Variants in GPD1L observed in about 807,000 individuals in gnomAD.
The protein encoded by GPD1L is glycerol-3-phosphate dehydrogenase 1 like, also known as glycerol-3-phosphate dehydrogenase 1-like protein.
GPD1L carries 17 observed loss-of-function variants against 32.9 expected under a neutral mutation model. That is an observed-to-expected ratio of 0.52 (90% confidence interval 0.35 to 0.78). The LOEUF (loss-of-function observed/expected upper bound fraction) is 0.78, where lower values mean the gene tolerates loss of function less well. Ranked by LOEUF, GPD1L falls within the 30% of genes least tolerant of loss-of-function variation. The pLI, the probability that GPD1L is intolerant of heterozygous loss-of-function variation, is 0.01. For synonymous variants in GPD1L, 187 were observed against 165.9 expected, an observed-to-expected ratio of 1.13 and a Z score of -0.98; for missense variants, 361 against 447.8, an observed-to-expected ratio of 0.81 and a Z score of 1.75.
intron 4 of GPD1L, among the ~76,000 whole-genome samples, chr3:32,145,384 T>C (rs1229738801): frequency 1.2e-4 from 18 of 152,008 alleles, no homozygotes; most frequent in Admixed American, 1.1e-3. Flanking sequence ...AAAGGTACCT[T>C]TGAGAAAATA....
At chr3:32,131,013 TA>T (rs563843656) in intron 2 of GPD1L, among the ~76,000 whole-genome samples, 5 of 147,412 alleles carry the variant, frequency 3.4e-5, no homozygotes, top group South Asian at 2.2e-4. Context: ...AGACTCCATC[TA>T]AAAAAAAAAT....
At chr3:32,157,197 G>T (rs1026455657) in intron 5 of GPD1L, among the ~76,000 whole-genome samples, 3 of 151,440 alleles carry the variant, frequency 2.0e-5, no homozygotes, top group Non-Finnish European at 4.4e-5. Flanking sequence ...CTTCCCTGCT[G>T]TGAACGGAAG....
rs1490821568 is a variant in GPD1L, at chr3:32,107,652, T to C, written c.47+894T>C. 2.0e-5 allele frequency among the ~76,000 whole-genome samples: 3 copies of C among 152,164 alleles called. No individual in the cohort carries two copies. In the South Asian group the frequency reaches 6.2e-4, roughly 32 times the overall value. ...CTTTCAGTGCTTCTGTTTACCGGTT[T>C]TTCTGTGGCGTGACAGGCATCAGAA... On this transcript the variant is annotated intron_variant, in intron 1 of 7. Transcript: ENST00000282541.
At chr3:32,131,311 A>G (rs375268993) in intron 2 of GPD1L, among the ~76,000 whole-genome samples, 1 of 152,058 alleles carries the variant, frequency 6.6e-6, no homozygotes, top group East Asian at 1.9e-4. Context: ...TTTTTCGTAT[A>G]TTTACATAGC....
chr3:32,130,234 G>GTC (rs1700566247), intron 2 of GPD1L, among the ~76,000 whole-genome samples: 1 of 152,068 alleles, frequency 6.6e-6, no homozygotes, highest in Non-Finnish European at 1.5e-5. Context: ...ACTGGGTGTG[G>GTC]ACAGAGGCAG....
rs373950937 is a variant in GPD1L at position 32,137,401 on chromosome 3, CCTT to C, written c.226-1183_226-1181del. Among the ~76,000 whole-genome samples the C allele has an allele frequency of 1.8e-4, 27 of 152,324 alleles. No homozygotes were observed. In the South Asian group the frequency reaches 4.3e-3, roughly 25 times the overall value. ...CTGCCATCTCGGCATGTGCTGTCCT[CCTT>C]CTGCTCTAAGATGACTGTCTGAATT... On this transcript the variant is annotated intron_variant, in intron 2 of 7. Coordinates refer to ENST00000282541, the MANE Select transcript of GPD1L (RefSeq NM_015141.4).
At chr3:32,108,258 G>A (rs1329229252) in intron 1 of GPD1L, among the ~76,000 whole-genome samples, 1 of 152,130 alleles carries the variant, frequency 6.6e-6, no homozygotes, top group Admixed American at 6.5e-5. Flanking sequence ...GGTGGCTCAC[G>A]CTTGTAATCC....
At chr3:32,121,441 A>ATATATATATTTCTCTC (rs60410111) in intron 1 of GPD1L, among the ~76,000 whole-genome samples, 2 of 90,464 alleles carry the variant, frequency 2.2e-5, no homozygotes, top group South Asian at 7.2e-4. Flanking sequence ...GGCTTTCTTT[A>ATATATATATTTCTCTC]TATATATATT....
At chr3:32,135,878 A>G (rs1465825906) in intron 2 of GPD1L, among the ~76,000 whole-genome samples, 1 of 152,184 alleles carries the variant, frequency 6.6e-6, no homozygotes, top group Non-Finnish European at 1.5e-5. Flanking sequence ...CTTGTGGACT[A>G]CCTAGCCTAG....
chr3:32,118,803 C>T (rs1021705518), intron 1 of GPD1L, among the ~76,000 whole-genome samples: 7 of 152,200 alleles, frequency 4.6e-5, no homozygotes, highest in Non-Finnish European at 2.9e-5. Flanking sequence ...CTGGAAACCA[C>T]GCTTCTACTT....
At chr3:32,152,858 AG>A (rs1559581014) in intron 5 of GPD1L, among the ~76,000 whole-genome samples, 11 of 68,856 alleles carry the variant, frequency 1.6e-4, no homozygotes, top group African/African-American at 5.5e-4. Context: ...AAAAAAAAAA[AG>A]ACAGACAAAG....
In GPD1L at chr3:32,128,152, G is replaced by T. The variant is rs1559573094; in HGVS notation, c.124G>T (p.Val42Phe). The change falls in exon 2 of 8, where the codon GTC (valine) becomes TTC (phenylalanine). Residue 42 changes from valine (V) to phenylalanine (F), a missense_variant. By Grantham distance (50) the Val-to-Phe change is conservative (BLOSUM62 -1). Transcript: ENST00000282541. ...ATTTGCCTCCACAGTCAAGATGTGG[G>T]TCTTTGAAGAAACAGTGAATGGCAG... is the stretch of plus-strand genomic sequence containing the variant. ...QKFASTVKMW[V>F]FEETVNGRKL... 6.2e-7 allele frequency: 1 copy of T among 1,610,180 alleles called. No homozygotes were observed. The highest frequency in any genetic ancestry group is 8.5e-7 in the Non-Finnish European group (1 of 1,176,484).
At chr3:32,134,380 C>G (rs1219230848) in intron 2 of GPD1L, among the ~76,000 whole-genome samples, 7 of 152,170 alleles carry the variant, frequency 4.6e-5, no homozygotes, top group Non-Finnish European at 1.0e-4. Context: ...CCACATTGTC[C>G]TAGAGACCAT....
chr3:32,116,796 C>G (rs1037808311), intron 1 of GPD1L, among the ~76,000 whole-genome samples: 1 of 152,202 alleles, frequency 6.6e-6, no homozygotes, highest in Non-Finnish European at 1.5e-5. Flanking sequence ...ATGTTAGATT[C>G]AGTAGTAAGG....
chr3:32,120,046 C>T (rs9811351), intron 1 of GPD1L, among the ~76,000 whole-genome samples: 62,447 of 151,788 alleles, frequency 0.41, 14,525 homozygotes, highest in East Asian at 0.65. Context: ...GCCTGCCGGC[C>T]GGACACAGTG....
rs79117983 is a variant in GPD1L, at chr3:32,144,203, C to T, written c.506-2419C>T. ...GATGCATAGGGACTATTTTAAATTG[C>T]GGTAGGTTCAGGAATCGTGGCCCAC... On this transcript the variant is annotated intron_variant, in intron 4 of 7. Transcript: ENST00000282541. Among the ~76,000 whole-genome samples the T allele has an allele frequency of 0.024, 3,616 of 152,150 alleles. 297 individuals carry two copies. In the East Asian group the frequency reaches 0.26, roughly 11 times the overall value.
chr3:32,148,761 C>G (rs2125491951), intron 5 of GPD1L, among the ~76,000 whole-genome samples: 1 of 152,182 alleles, frequency 6.6e-6, no homozygotes, highest in East Asian at 1.9e-4. Context: ...AAACGAAGCC[C>G]TCTCTCATCA....
At chr3:32,149,903 C>T (rs78480016) in intron 5 of GPD1L, among the ~76,000 whole-genome samples, 1 of 150,346 alleles carries the variant, frequency 6.7e-6, no homozygotes, top group Non-Finnish European at 1.5e-5. Flanking sequence ...GAGCCAAGAT[C>T]GTGCCACTGC....
chr3:32,135,402 G>A lies in GPD1L; in HGVS notation c.226-3185G>A, dbSNP rs535487841. 4.2e-4 allele frequency among the ~76,000 whole-genome samples: 64 copies of A among 152,266 alleles called. 1 individual carries two copies. The highest frequency in any genetic ancestry group is 2.5e-3 in the Admixed American group (38 of 15,294). ...AAAACAATGAGCTTTGCCAATAAACGACACACAGGCCAATTGTGGGTTGGC... is the reference window on the plus strand; with the variant it reads ...AAAACAATGAGCTTTGCCAATAAACAACACACAGGCCAATTGTGGGTTGGC... On this transcript the variant is annotated intron_variant, in intron 2 of 7. Coordinates refer to ENST00000282541, the MANE Select transcript of GPD1L (RefSeq NM_015141.4).
Sources: allele counts gnomAD v4.1 joint callset (sites outside exome capture counted in the v4.1 genomes callset), GRCh38; gene constraint gnomAD v4.1.1; transcripts MANE v1.5; gene names NCBI Gene and HGNC (gene_info 2026-07-23, HGNC 2026-07-21).